Variants in SLC24A3 observed in about 807,000 individuals in gnomAD.
The protein encoded by SLC24A3 is sodium/potassium/calcium exchanger 3.
Under a neutral mutation model 75.8 loss-of-function variants are expected in SLC24A3, and 28 were observed. That is an observed-to-expected ratio of 0.37 (90% confidence interval 0.27 to 0.51). The LOEUF (loss-of-function observed/expected upper bound fraction) is 0.51, where lower values mean the gene tolerates loss of function less well. SLC24A3 is among the 20% of genes least tolerant of loss of function. The probability of loss-of-function intolerance (pLI) is 0.94; values close to 1 mark genes in which losing one functional copy is unlikely to be tolerated. For missense variants in SLC24A3, 663 were observed against 847.8 expected, an observed-to-expected ratio of 0.78 and a Z score of 2.71; for synonymous variants, 372 against 334.1, an observed-to-expected ratio of 1.11 and a Z score of -1.24.
intron 3 of SLC24A3, among the ~76,000 whole-genome samples, chr20:19,568,280 C>T (rs184118310): frequency 0.011 from 1,699 of 152,264 alleles, 32 homozygotes; most frequent in Non-Finnish European, 0.011. Flanking sequence ...AATTCCACTT[C>T]TGGGTTTATA....
intron 2 of SLC24A3, among the ~76,000 whole-genome samples, chr20:19,312,968 C>G (rs1238029382): frequency 6.9e-6 from 1 of 143,954 alleles, no homozygotes. Flanking sequence ...TCAGGACCAA[C>G]AAGATGAGGG....
At chr20:19,266,443 G>C (rs2122204047) in intron 1 of SLC24A3, among the ~76,000 whole-genome samples, 1 of 152,264 alleles carries the variant, frequency 6.6e-6, no homozygotes, top group African/African-American at 2.4e-5. Flanking sequence ...CTGTACTCTA[G>C]GCATGAATTA....
chr20:19,429,885 A>G (rs780045848), intron 2 of SLC24A3, among the ~76,000 whole-genome samples: 2 of 152,154 alleles, frequency 1.3e-5, no homozygotes, highest in Non-Finnish European at 2.9e-5. Flanking sequence ...TCCTCACAAT[A>G]AATCTCTCAT....
chr20:19,415,132 T>A (rs1028402840), intron 2 of SLC24A3, among the ~76,000 whole-genome samples: 1 of 152,206 alleles, frequency 6.6e-6, no homozygotes, highest in Non-Finnish European at 1.5e-5. Flanking sequence ...TATTTAGTTT[T>A]GATGTGTTGT....
At chr20:19,471,865 C>A (rs923141534) in intron 2 of SLC24A3, among the ~76,000 whole-genome samples, 2 of 152,098 alleles carry the variant, frequency 1.3e-5, no homozygotes, top group Non-Finnish European at 2.9e-5. Flanking sequence ...AAATTTCAAA[C>A]GGTTCCTTTA....
intron 2 of SLC24A3, among the ~76,000 whole-genome samples, chr20:19,460,154 G>T (rs973113291): frequency 6.6e-6 from 1 of 152,148 alleles, no homozygotes; most frequent in African/African-American, 2.4e-5. Flanking sequence ...TTGCCCTCTT[G>T]GTTGGTGCAG....
At chr20:19,546,631 G>C (rs1022650440) in intron 3 of SLC24A3, among the ~76,000 whole-genome samples, 3 of 152,184 alleles carry the variant, frequency 2.0e-5, no homozygotes, top group East Asian at 1.9e-4. Context: ...GAAAGGGGGT[G>C]GGGGGCAGAC....
At chr20:19,555,267 C>G (rs2030764301) in intron 3 of SLC24A3, among the ~76,000 whole-genome samples, 1 of 152,128 alleles carries the variant, frequency 6.6e-6, no homozygotes, top group South Asian at 2.1e-4. Flanking sequence ...CAGTGAATGT[C>G]CCAGGATCCT....
At chr20:19,703,053 G>A (rs1421817526) in intron 15 of SLC24A3, among the ~76,000 whole-genome samples, 4 of 152,186 alleles carry the variant, frequency 2.6e-5, no homozygotes, top group Non-Finnish European at 5.9e-5. Flanking sequence ...GATCAACCTG[G>A]TGAACTGAAT....
At chr20:19,568,191 T>C (rs2030991917) in intron 3 of SLC24A3, among the ~76,000 whole-genome samples, 1 of 152,204 alleles carries the variant, frequency 6.6e-6, no homozygotes, top group Non-Finnish European at 1.5e-5. Flanking sequence ...TAGTTAGGAA[T>C]GCAAAATGGT....
chr20:19,299,128 GTGGAAAGCTCA>G (rs1984132433), intron 2 of SLC24A3, among the ~76,000 whole-genome samples: 3 of 152,170 alleles, frequency 2.0e-5, no homozygotes, highest in Middle Eastern at 3.4e-3. Flanking sequence ...TTGAGTTGGG[GTGGAAAGCTCA>G]TCTTGACCCA....
intron 6 of SLC24A3, among the ~76,000 whole-genome samples, chr20:19,617,556 CTT>C (rs1387002691): frequency 3.3e-5 from 5 of 152,186 alleles, no homozygotes. Context: ...TTGTCCATGA[CTT>C]TTGTTTCAGG....
At chr20:19,562,755 G>A (rs1226975036) in intron 3 of SLC24A3, among the ~76,000 whole-genome samples, 1 of 152,156 alleles carries the variant, frequency 6.6e-6, no homozygotes, top group Non-Finnish European at 1.5e-5. Flanking sequence ...CTGCCATCCA[G>A]CTTGTTAGCT....
chr20:19,324,834 A>G (rs539816805), intron 2 of SLC24A3, among the ~76,000 whole-genome samples: 2 of 152,302 alleles, frequency 1.3e-5, no homozygotes, highest in South Asian at 2.1e-4. Context: ...TCAACGAGTT[A>G]ATCCTCCTGC....
At chr20:19,417,852 C>T (rs545836227) in intron 2 of SLC24A3, among the ~76,000 whole-genome samples, 1 of 152,248 alleles carries the variant, frequency 6.6e-6, no homozygotes, top group East Asian at 1.9e-4. Flanking sequence ...ACTCTACATA[C>T]TGAATGGTGA....
At chr20:19,374,880 G>T (rs1389819517) in intron 2 of SLC24A3, among the ~76,000 whole-genome samples, 1 of 152,180 alleles carries the variant, frequency 6.6e-6, no homozygotes, top group South Asian at 2.1e-4. Flanking sequence ...TCAGAGGAAT[G>T]AATGCTTTCT....
At chr20:19,416,850 G>A (rs1454395079) in intron 2 of SLC24A3, among the ~76,000 whole-genome samples, 1 of 152,168 alleles carries the variant, frequency 6.6e-6, no homozygotes, top group Non-Finnish European at 1.5e-5. Flanking sequence ...GGAGCTTCCT[G>A]TCTATGGGGG....
chr20:19,252,645 G>T (rs1051127706), intron 1 of SLC24A3, among the ~76,000 whole-genome samples: 3 of 149,732 alleles, frequency 2.0e-5, no homozygotes, highest in Non-Finnish European at 4.5e-5. Context: ...TGGAATGGCG[G>T]GGGGGGGTGC....
chr20:19,239,120 T>TAAAA (rs11480954), intron 1 of SLC24A3, among the ~76,000 whole-genome samples: 1 of 141,090 alleles, frequency 7.1e-6, no homozygotes, highest in Non-Finnish European at 1.5e-5. Context: ...AAGCTTATTT[T>TAAAA]AAAAAAAAAA....
Sources: gnomAD v4.1 joint callset for allele counts (sites outside exome capture counted in the v4.1 genomes callset) on GRCh38, gnomAD v4.1.1 for gene constraint, MANE v1.5 for transcripts, NCBI Gene and HGNC (gene_info 2026-07-23, HGNC 2026-07-21) for gene names.